The following AZIN2 variants were observed in gnomAD, a reference collection of about 807,000 sequenced individuals.
AZIN2 encodes antizyme inhibitor 2.
A neutral mutation model predicts 47.8 loss-of-function variants in AZIN2; 28 were observed. The observed-to-expected ratio is 0.59, with a 90% CI of 0.43 to 0.80. The LOEUF (loss-of-function observed/expected upper bound fraction) is 0.80, where lower values mean the gene tolerates loss of function less well. AZIN2 is among the 30% of genes least tolerant of loss of function. The pLI is 0.00. For missense variants in AZIN2, 535 were observed against 582.5 expected (o/e 0.92, Z 0.84); for synonymous variants, 221 against 239.4 (o/e 0.92, Z 0.71).
chr1:33,086,466 C>G (rs1641913285), intron 5 of AZIN2, among the ~76,000 whole-genome samples: 1 of 152,194 alleles, frequency 6.6e-6, no homozygotes, highest in African/African-American at 2.4e-5. Context: ...TGGGATCATG[C>G]AGACCCTTTG....
Position 33,120,815 on chromosome 1 carries a change from G to A in AZIN2, c.*633G>A, listed in dbSNP as rs1224311701. 6.6e-6 allele frequency among the ~76,000 whole-genome samples: 1 copy of A among 152,250 alleles called. No homozygotes were observed. The highest frequency in any genetic ancestry group is 1.5e-5 in the Non-Finnish European group (1 of 68,044). On this transcript the variant is annotated 3_prime_UTR_variant, in exon 12 of 12. Coordinates refer to ENST00000294517, the MANE Select transcript of AZIN2 (RefSeq NM_052998.4). ...TGGGTCAGCCCAACACCCAGCTTAAGGCCTGGCCCAGAGTAGGGGCAATGG... is the reference window on the plus strand; with the variant it reads ...TGGGTCAGCCCAACACCCAGCTTAAAGCCTGGCCCAGAGTAGGGGCAATGG...
intron 5 of AZIN2, among the ~76,000 whole-genome samples, chr1:33,085,231 CAAAA>C (rs113297919): frequency 2.6e-5 from 2 of 78,294 alleles, no homozygotes. Context: ...AGCTTGTTTA[CAAAA>C]AAAAAAAAAA....
the AZIN2 span, among the ~76,000 whole-genome samples, chr1:33,135,581 ATTGGATCCTCAG>A: frequency 6.6e-6 from 1 of 152,160 alleles, no homozygotes; most frequent in East Asian, 1.9e-4. Flanking sequence ...TTGGTCTCAC[ATTGGATCCTCAG>A]CCACACAGCC....
At chr1:33,110,590 T>C (rs1158622861) in intron 10 of AZIN2, among the ~76,000 whole-genome samples, 1 of 152,000 alleles carries the variant, frequency 6.6e-6, no homozygotes, top group Non-Finnish European at 1.5e-5. Context: ...AATATGAAAA[T>C]TGAAATTATG....
At chr1:33,143,357 C>G in the AZIN2 span, 1 of 152,264 alleles carries the variant, frequency 6.6e-6, no homozygotes, top group Non-Finnish European at 1.5e-5. Context: ...GGAGGGGGTG[C>G]TCCGACCCCA....
chr1:33,085,450 C>T (rs896666499), intron 5 of AZIN2, among the ~76,000 whole-genome samples: 12 of 151,764 alleles, frequency 7.9e-5, no homozygotes, highest in Non-Finnish European at 1.5e-5. Context: ...TTTCAGGCAG[C>T]AGGAACAGCA....
intron 10 of AZIN2, among the ~76,000 whole-genome samples, chr1:33,099,710 G>A (rs1356031541): frequency 6.6e-6 from 1 of 152,200 alleles, no homozygotes; most frequent in Non-Finnish European, 1.5e-5. Context: ...TCTCTTTGTG[G>A]TCTGTGCTGT....
intron 4 of AZIN2, 167 bp downstream of exon 4, chr1:33,082,521 C>T: frequency 1.8e-6 from 1 of 556,396 alleles, no homozygotes; most frequent in Admixed American, 3.4e-5. Flanking sequence ...TGTCCTTGCC[C>T]CCAAACCTGC....
rs1644830041 is a variant in AZIN2 at position 33,123,354 on chromosome 1, T to C, written c.*3172T>C. On this transcript the variant is annotated 3_prime_UTR_variant, in exon 12 of 12. Coordinates refer to ENST00000294517, the MANE Select transcript of AZIN2 (RefSeq NM_052998.4). Reference sequence around the variant, plus strand: ...CTTCTAGAATGTGAGCTCTAGGCTCTTGGAATAAACCTGATTTATTTTTTC... The same window carrying C: ...CTTCTAGAATGTGAGCTCTAGGCTCCTGGAATAAACCTGATTTATTTTTTC... Among the ~76,000 whole-genome samples, 1 of 152,260 alleles carries C rather than the reference T, an allele frequency of 6.6e-6. No homozygotes were observed. The highest frequency in any genetic ancestry group is 1.5e-5 in the Non-Finnish European group (1 of 68,048).
the AZIN2 span, among the ~76,000 whole-genome samples, chr1:33,151,223 G>A: frequency 1.3e-5 from 2 of 152,114 alleles, no homozygotes; most frequent in Non-Finnish European, 2.9e-5. Context: ...CAGCCCTGGC[G>A]AGCGGACCTG....
chr1:33,101,857 A>T, intron 10 of AZIN2: 2 of 779,524 alleles, frequency 2.6e-6, no homozygotes, highest in Non-Finnish European at 4.8e-6. Flanking sequence ...ACCCTGCTAC[A>T]TGTCTCTAGA....
the AZIN2 span, among the ~76,000 whole-genome samples, chr1:33,136,114 C>CCTTCCTTCCTTGCTTG: frequency 6.5e-5 from 1 of 15,416 alleles, no homozygotes; most frequent in Admixed American, 5.0e-4. Context: ...AGGGGCCAGC[C>CCTTCCTTCCTTGCTTG]CTTCCTTCCT....
the AZIN2 span, among the ~76,000 whole-genome samples, chr1:33,155,514 C>T: frequency 6.6e-6 from 1 of 152,106 alleles, no homozygotes; most frequent in Non-Finnish European, 1.5e-5. Flanking sequence ...CCCCAGCCTC[C>T]TTCCTGGTGT....
chr1:33,090,592 A>G (rs1569942727), intron 5 of AZIN2, among the ~76,000 whole-genome samples: 1 of 152,228 alleles, frequency 6.6e-6, no homozygotes, highest in Non-Finnish European at 1.5e-5. Context: ...CTGACAAATA[A>G]AAATTGTATA....
intron 10 of AZIN2, among the ~76,000 whole-genome samples, chr1:33,111,148 C>T (rs1047339587): frequency 9.2e-5 from 14 of 152,346 alleles, no homozygotes; most frequent in African/African-American, 1.7e-4. Context: ...GCCACTAAGG[C>T]GAATGCTACC....
intron 5 of AZIN2, among the ~76,000 whole-genome samples, chr1:33,089,618 G>C (rs1454776636): frequency 6.6e-6 from 1 of 152,136 alleles, no homozygotes; most frequent in Admixed American, 6.5e-5. Flanking sequence ...GCAAGCTGTG[G>C]TGGCAGCAAG....
At chr1:33,147,581 C>T in the AZIN2 span, 6 of 1,614,002 alleles carry the variant, frequency 3.7e-6, no homozygotes, top group Non-Finnish European at 5.1e-6. The surrounding 1 kb of genome is among the most constrained non-coding windows in gnomAD (Gnocchi z 8.1). Context: ...GCTTCAGAAC[C>T]CAGCACCGAC....
chr1:33,115,850 T>A (rs1212360581), intron 10 of AZIN2, among the ~76,000 whole-genome samples: 1 of 152,218 alleles, frequency 6.6e-6, no homozygotes, highest in Non-Finnish European at 1.5e-5. Context: ...AATCCAAGGG[T>A]GCCTTTTCTC....
At chr1:33,127,253 C>A (rs1267565486), downstream of AZIN2, among the ~76,000 whole-genome samples, 2 of 152,252 alleles carry the variant, frequency 1.3e-5, no homozygotes, top group Non-Finnish European at 2.9e-5. Context: ...TTCCAGCCAC[C>A]GGAACCCCCA....
Sources: gnomAD v4.1 joint callset for allele counts (sites outside exome capture counted in the v4.1 genomes callset) on GRCh38, gnomAD v4.1.1 for gene constraint, Gnocchi (gnomAD v3.1) non-coding constraint, MANE v1.5 for transcripts, NCBI Gene and HGNC (gene_info 2026-07-23, HGNC 2026-07-21) for gene names.